MTRF1: variants seen among roughly 807,000 people sequenced by gnomAD.
MTRF1 encodes peptide chain release factor 1, mitochondrial.
A neutral mutation model predicts 62.9 loss-of-function variants in MTRF1; 51 were observed. That is an observed-to-expected ratio of 0.81 (90% confidence interval 0.65 to 1.02). The LOEUF (loss-of-function observed/expected upper bound fraction) is 1.02, where lower values mean the gene tolerates loss of function less well. Ranked by LOEUF, MTRF1 falls within the 50% of genes least tolerant of loss-of-function variation. MTRF1 has a pLI of 0.00. For synonymous variants in MTRF1, 158 were observed against 181.9 expected, an observed-to-expected ratio of 0.87 and a Z score of 1.06; for missense variants, 446 against 530.0, an observed-to-expected ratio of 0.84 and a Z score of 1.56.
intron 3 of MTRF1, 114 bp from the exon 4 acceptor site, chr13:41,253,144 T>G (rs1468697590): frequency 1.4e-6 from 1 of 732,020 alleles, no homozygotes; most frequent in Non-Finnish European, 2.2e-6. Flanking sequence ...TCATATAGTA[T>G]CCCAAACAGG....
chr13:41,311,634 C>T, the MTRF1 span: 4 of 1,549,996 alleles, frequency 2.6e-6, no homozygotes, highest in Non-Finnish European at 3.5e-6. Flanking sequence ...GTCCTCGGGC[C>T]TTAAGGGCAA....
chr13:41,248,248 A>C (rs1048206204), intron 5 of MTRF1, among the ~76,000 whole-genome samples: 2 of 152,154 alleles, frequency 1.3e-5, no homozygotes, highest in Non-Finnish European at 2.9e-5. Context: ...CAGCCTCCTG[A>C]GTAACTGAGG....
At chr13:41,238,358 T>C (rs1195257169) in intron 6 of MTRF1, among the ~76,000 whole-genome samples, 1 of 152,184 alleles carries the variant, frequency 6.6e-6, no homozygotes, top group African/African-American at 2.4e-5. Context: ...TAAAGAAGAA[T>C]AGTAACTATA....
Position 41,233,915 on chromosome 13 carries a change from G to T in MTRF1, c.963C>A (p.Ala321=). ...GGQHVNKTDS[A]VRLVHIPTGL... is the part of the protein sequence containing the mutation. ...CTGTGGGGATGTGGACAAGTCTGAC[G>T]GCACTATCAGTTTTATTAACATGCT... Residue 321 remains alanine, a synonymous_variant, in exon 7 of 10, where the codon GCC becomes GCA. Coordinates refer to ENST00000379480, the MANE Select transcript of MTRF1 (RefSeq NM_004294.4). 6.2e-7 allele frequency: 1 copy of T among 1,613,912 alleles called. No individual in the cohort carries two copies. The highest frequency in any genetic ancestry group is 8.5e-7 in the Non-Finnish European group (1 of 1,179,804).
the MTRF1 span, among the ~76,000 whole-genome samples, chr13:41,296,627 G>C: frequency 6.6e-6 from 1 of 151,934 alleles, no homozygotes; most frequent in Non-Finnish European, 1.5e-5. Flanking sequence ...GTATGTTATT[G>C]ATATGTGTTT....
chr13:41,231,905 T>C (rs1383017409), intron 7 of MTRF1, among the ~76,000 whole-genome samples: 1 of 136,890 alleles, frequency 7.3e-6, no homozygotes, highest in Non-Finnish European at 1.6e-5. Flanking sequence ...AAAGCAAAAA[T>C]TAGCCAGGCA....
chr13:41,301,329 G>A, the MTRF1 span, among the ~76,000 whole-genome samples: 4 of 152,130 alleles, frequency 2.6e-5, no homozygotes, highest in Admixed American at 6.5e-5. Context: ...TTATTTTCAC[G>A]TGGCTAGCCT....
rs534123400 is a variant in MTRF1, at chr13:41,227,423, G to A, written c.989-855C>T. Among the ~76,000 whole-genome samples, 14 of 152,204 alleles carry A rather than the reference G, an allele frequency of 9.2e-5. No individual in the cohort carries two copies. The East Asian group carries it at 2.1e-3, about 23-fold the overall frequency. ...GTTCTAAATTTCTAAGTTGTTCTGC[G>A]TAGTCTAAGTTAGCTGGGGTCCAGC... On this transcript the variant is annotated intron_variant, in intron 7 of 9. Coordinates refer to ENST00000379480, the MANE Select transcript of MTRF1 (RefSeq NM_004294.4).
intron 5 of MTRF1, among the ~76,000 whole-genome samples, chr13:41,249,241 TAAAG>T (rs1311403928): frequency 1.3e-5 from 2 of 152,150 alleles, no homozygotes; most frequent in African/African-American, 4.8e-5. Flanking sequence ...CTGCTTCTAA[TAAAG>T]AAATCAATTT....
intron 7 of MTRF1, among the ~76,000 whole-genome samples, chr13:41,231,665 G>C (rs1455841173): frequency 3.3e-5 from 5 of 152,208 alleles, no homozygotes; most frequent in Non-Finnish European, 5.9e-5. Context: ...TAATGGGTAT[G>C]TGGATAAGTG....
intron 5 of MTRF1, among the ~76,000 whole-genome samples, chr13:41,241,537 A>G (rs1413011298): frequency 6.6e-6 from 1 of 152,184 alleles, no homozygotes; most frequent in Non-Finnish European, 1.5e-5. Context: ...CCTATGAGTA[A>G]TCATTATCCT....
At chr13:41,279,509 A>C in the MTRF1 span, among the ~76,000 whole-genome samples, 1 of 152,126 alleles carries the variant, frequency 6.6e-6, no homozygotes, top group African/African-American at 2.4e-5. Flanking sequence ...CCTCCCTTCT[A>C]GTTCCTGAGG....
At chr13:41,220,251 A>T (rs1775642322) in intron 9 of MTRF1, among the ~76,000 whole-genome samples, 1 of 147,404 alleles carries the variant, frequency 6.8e-6, no homozygotes, top group Admixed American at 6.9e-5. Flanking sequence ...AATCACTTGA[A>T]CCCAGGAAGC....
chr13:41,217,802 G>T (rs1301402065), intron 9 of MTRF1, among the ~76,000 whole-genome samples: 1 of 152,190 alleles, frequency 6.6e-6, no homozygotes, highest in Non-Finnish European at 1.5e-5. Context: ...CTGAGAGGAA[G>T]CCTCCCCCGA....
the MTRF1 span, among the ~76,000 whole-genome samples, chr13:41,311,859 C>T: frequency 6.6e-6 from 1 of 152,358 alleles, no homozygotes; most frequent in Non-Finnish European, 1.5e-5. Context: ...CTCCGCAGTG[C>T]CCGGGCACAG....
chr13:41,231,006 G>A (rs558161824), intron 7 of MTRF1, among the ~76,000 whole-genome samples: 27 of 152,252 alleles, frequency 1.8e-4, no homozygotes, highest in South Asian at 1.5e-3. Flanking sequence ...GATTACAGGC[G>A]TGAGCCACTG....
the MTRF1 span, among the ~76,000 whole-genome samples, chr13:41,291,030 A>C: frequency 6.6e-6 from 1 of 151,310 alleles, no homozygotes; most frequent in Non-Finnish European, 1.5e-5. Flanking sequence ...TGGGAGGCGG[A>C]GGTTGCAGTG....
the MTRF1 span, among the ~76,000 whole-genome samples, chr13:41,279,828 T>C: frequency 1.3e-5 from 2 of 152,214 alleles, no homozygotes; most frequent in African/African-American, 4.8e-5. Context: ...TATAATCAAC[T>C]AAGAGGCACC....
chr13:41,301,716 C>T, the MTRF1 span, among the ~76,000 whole-genome samples: 1 of 151,848 alleles, frequency 6.6e-6, no homozygotes, highest in Non-Finnish European at 1.5e-5. Flanking sequence ...CCACTGCACT[C>T]CAGCCTGGGC....
Sources: gnomAD v4.1 joint callset for allele counts (sites outside exome capture counted in the v4.1 genomes callset) on GRCh38, gnomAD v4.1.1 for gene constraint, MANE v1.5 for transcripts, NCBI Gene and HGNC (gene_info 2026-07-23, HGNC 2026-07-21) for gene names.